Variants in RPH3A observed in about 807,000 individuals in gnomAD.
RPH3A encodes the protein rabphilin-3A.
Under a neutral mutation model 102.2 loss-of-function variants are expected in RPH3A, and 48 were observed. The observed-to-expected ratio is 0.47, with a 90% confidence interval of 0.37 to 0.60. The LOEUF (loss-of-function observed/expected upper bound fraction) is 0.60, where lower values mean the gene tolerates loss of function less well. RPH3A is among the 20% of genes least tolerant of loss of function. RPH3A has a pLI of 0.00. For synonymous variants in RPH3A, 310 were observed against 324.3 expected (o/e 0.96, Z 0.47); for missense variants, 781 against 910.1 (o/e 0.86, Z 1.83).
chr12:112,870,310 C>CAA (rs377457634), intron 10 of RPH3A, among the ~76,000 whole-genome samples: 4,258 of 105,442 alleles, frequency 0.04, 185 homozygotes, highest in African/African-American at 0.12. Flanking sequence ...CTCCCCGCCT[C>CAA]AAAAAAAAAA....
intron 5 of RPH3A, among the ~76,000 whole-genome samples, chr12:112,864,733 G>C (rs150818766): frequency 2.1e-4 from 32 of 152,280 alleles, no homozygotes; most frequent in African/African-American, 7.5e-4. Flanking sequence ...TTAGCTTCCA[G>C]GACATTCATT....
chr12:112,611,398 G>A (rs1012425918), intron 1 of RPH3A, among the ~76,000 whole-genome samples: 33 of 152,226 alleles, frequency 2.2e-4, no homozygotes, highest in African/African-American at 7.9e-4. Context: ...CCATGGGAAA[G>A]TCATTCCTGC....
chr12:112,843,961 G>A (rs1185901803), intron 4 of RPH3A, among the ~76,000 whole-genome samples: 1 of 152,156 alleles, frequency 6.6e-6, no homozygotes, highest in East Asian at 1.9e-4. Flanking sequence ...AGCAGGCTGA[G>A]GGATATTGGC....
At chr12:112,838,886 G>T (rs1465306990) in intron 4 of RPH3A, among the ~76,000 whole-genome samples, 1 of 152,112 alleles carries the variant, frequency 6.6e-6, no homozygotes, top group Non-Finnish European at 1.5e-5. Flanking sequence ...TTGTCTCGGG[G>T]TCCACCAATG....
chr12:112,778,172 A>C (rs1355977021), intron 1 of RPH3A, among the ~76,000 whole-genome samples: 1 of 152,226 alleles, frequency 6.6e-6, no homozygotes, highest in East Asian at 1.9e-4. Flanking sequence ...TCATCAAAAA[A>C]CAGATTTTAG....
chr12:112,776,983 G>A (rs7302673), intron 1 of RPH3A, among the ~76,000 whole-genome samples: 126,475 of 150,762 alleles, frequency 0.84, 53,053 homozygotes, highest in African/African-American at 0.91. Context: ...GTCAAATTCA[G>A]TTCAAAGGGT....
intron 16 of RPH3A, among the ~76,000 whole-genome samples, chr12:112,887,115 T>G (rs2136258175): frequency 6.6e-6 from 1 of 152,334 alleles, no homozygotes; most frequent in Non-Finnish European, 1.5e-5. Context: ...GAAGCTAAAC[T>G]TATGCCTAGT....
At chr12:112,717,998 T>C (rs2040525470) in intron 1 of RPH3A, 1 of 152,338 alleles carries the variant, frequency 6.6e-6, no homozygotes. Context: ...TGTTTTTCTC[T>C]TCTCCAGGCA....
chr12:112,651,683 C>T (rs773991764), intron 1 of RPH3A: 5 of 152,172 alleles, frequency 3.3e-5, no homozygotes, highest in African/African-American at 9.7e-5. Context: ...TACTACTGTC[C>T]ATTTCCAGAA....
chr12:112,733,983 G>A (rs529324378), intron 1 of RPH3A, among the ~76,000 whole-genome samples: 1 of 152,096 alleles, frequency 6.6e-6, no homozygotes, highest in South Asian at 2.1e-4. Context: ...CTGTACTAAG[G>A]AATTTACATC....
At position 112,868,953 on chromosome 12, in the gene RPH3A, A is replaced by T. The variant is rs141841688; in HGVS notation, c.610+358A>T. 782 of 199,534 alleles carry T rather than the reference A, an allele frequency of 3.9e-3. 7 individuals are homozygous for T. Among genetic ancestry groups the T allele is most frequent in the African/African-American group, 0.017 (719 of 43,424 alleles). The allele number at this position is 199,534 out of a possible 1,614,324, so 12.4% of individuals were successfully genotyped here. On this transcript the variant is annotated intron_variant, in intron 8 of 21. Coordinates refer to ENST00000389385, the MANE Select transcript of RPH3A (RefSeq NM_001143854.2). ...CGGCTTGCTGAGAAGGCCTTCCTGG[A>T]CCCTGTTATTTCTCCTACTATCCAT...
At chr12:112,802,024 T>C (rs1358926012) in intron 2 of RPH3A, among the ~76,000 whole-genome samples, 5 of 152,204 alleles carry the variant, frequency 3.3e-5, no homozygotes, top group African/African-American at 1.2e-4. Flanking sequence ...TCTCCATTTT[T>C]CTTATGTGAG....
At chr12:112,587,520 C>T (rs1280240941) in intron 1 of RPH3A, among the ~76,000 whole-genome samples, 4 of 152,154 alleles carry the variant, frequency 2.6e-5, no homozygotes, top group Non-Finnish European at 5.9e-5. Flanking sequence ...TGGTAGTAAC[C>T]TACCTGATAG....
At chr12:112,856,432 G>T (rs151274533) in intron 5 of RPH3A, among the ~76,000 whole-genome samples, 1 of 152,160 alleles carries the variant, frequency 6.6e-6, no homozygotes, top group East Asian at 1.9e-4. Context: ...AGTGTGTACA[G>T]ACATGCATGT....
At chr12:112,710,774 A>C (rs1446863493) in intron 1 of RPH3A, among the ~76,000 whole-genome samples, 1 of 152,196 alleles carries the variant, frequency 6.6e-6, no homozygotes, top group Non-Finnish European at 1.5e-5. Context: ...TGATTCAAAA[A>C]CATTACTTAA....
At chr12:112,621,037 C>T (rs2039719073) in intron 1 of RPH3A, among the ~76,000 whole-genome samples, 1 of 147,216 alleles carries the variant, frequency 6.8e-6, no homozygotes, top group South Asian at 2.1e-4. Flanking sequence ...GAGATAGGGT[C>T]TTGCTATGTT....
chr12:112,851,035 G>GA (rs1411296749), intron 5 of RPH3A: 1 of 152,318 alleles, frequency 6.6e-6, no homozygotes, highest in East Asian at 1.9e-4. Flanking sequence ...CCATGATGCT[G>GA]AATGTTCTTT....
At chr12:112,719,094 G>T (rs1418095540) in intron 1 of RPH3A, among the ~76,000 whole-genome samples, 1 of 152,168 alleles carries the variant, frequency 6.6e-6, no homozygotes. Context: ...ACTGGCATAT[G>T]GTGGGTAGAA....
intron 1 of RPH3A, among the ~76,000 whole-genome samples, chr12:112,711,463 T>C (rs1188024794): frequency 6.6e-6 from 1 of 152,140 alleles, no homozygotes; most frequent in Non-Finnish European, 1.5e-5. Flanking sequence ...AAAGTTGAAA[T>C]GATAGCAATG....
Sources: gnomAD v4.1 joint callset for allele counts (sites outside exome capture counted in the v4.1 genomes callset) on GRCh38, gnomAD v4.1.1 for gene constraint, MANE v1.5 for transcripts, NCBI Gene and HGNC (gene_info 2026-07-23, HGNC 2026-07-21) for gene names.